Variants in PLEKHG7 observed in about 807,000 individuals in gnomAD.
The protein encoded by PLEKHG7 is pleckstrin homology domain-containing family G member 7.
In PLEKHG7, 77 loss-of-function variants were observed where a neutral mutation model predicts 85.2. The observed-to-expected ratio is 0.90, with a 90% CI of 0.75 to 1.09. The LOEUF is 1.09. PLEKHG7 is among the 50% of genes least tolerant of loss of function. The pLI is 0.00. For synonymous variants in PLEKHG7, 301 were observed against 302.4 expected (o/e 1.00, Z 0.05); for missense variants, 777 against 804.3 (o/e 0.97, Z 0.41).
At chr12:92,732,147 A>C in intron 4 of PLEKHG7, 86 bp from the exon 5 acceptor site, 1 of 786,710 alleles carries the variant, frequency 1.3e-6, no homozygotes. Context: ...TAATTTTCAA[A>C]AAGCAGGTTT....
At chr12:92,715,039 GATA>G (rs1205837589) in intron 3 of PLEKHG7, among the ~76,000 whole-genome samples, 27 of 151,928 alleles carry the variant, frequency 1.8e-4, no homozygotes, top group Middle Eastern at 3.4e-3. Context: ...TAGATAGATA[GATA>G]GATAGATAGA....
intron 15 of PLEKHG7, 56 bp downstream of exon 15, chr12:92,764,250 T>TCTG: frequency 6.8e-7 from 1 of 1,475,262 alleles, no homozygotes. Context: ...GAGTTTTATA[T>TCTG]TGGCCTTTCT....
intron 5 of PLEKHG7, among the ~76,000 whole-genome samples, chr12:92,733,561 T>C (rs974102144): frequency 1.3e-5 from 2 of 152,200 alleles, no homozygotes; most frequent in African/African-American, 4.8e-5. Flanking sequence ...TCTGTTTTTC[T>C]GACAGATCTG....
At position 92,710,333 on chromosome 12, in the gene PLEKHG7, A is replaced by G. The variant is rs1871343243; in HGVS notation, c.530+2661A>G. Among the ~76,000 whole-genome samples the G allele has an allele frequency of 3.3e-5, 5 of 152,310 alleles. No individual in the cohort carries two copies. In the South Asian group the frequency reaches 1.0e-3, roughly 32 times the overall value. On this transcript the variant is annotated intron_variant, in intron 3 of 16. Coordinates refer to ENST00000344636, the MANE Select transcript of PLEKHG7 (RefSeq NM_001377329.1). ...AAAAGGCCATTCCACCATTCTGTCA[A>G]TCTAGCTGCTTCAGGATAATGGGGA...
intron 10 of PLEKHG7, among the ~76,000 whole-genome samples, chr12:92,751,267 T>C (rs754302106): frequency 1.3e-5 from 2 of 152,062 alleles, no homozygotes; most frequent in Non-Finnish European, 2.9e-5. Context: ...AAATCGGAGG[T>C]CCAGAGAGAG....
chr12:92,714,188 A>G (rs1452981279), intron 3 of PLEKHG7, among the ~76,000 whole-genome samples: 1 of 152,160 alleles, frequency 6.6e-6, no homozygotes, highest in Admixed American at 6.5e-5. Flanking sequence ...TTGCCTGCCA[A>G]CTGCCTCAAG....
chr12:92,754,274 T>A lies in PLEKHG7; in HGVS notation c.1426+10T>A. 1 of 1,611,346 alleles carries A rather than the reference T, an allele frequency of 6.2e-7. No homozygotes were observed. Among genetic ancestry groups the A allele is most frequent in the Non-Finnish European group, 8.5e-7 (1 of 1,177,954 alleles). ...GTGGAAAAGTCCATCCGTAAGTCCCTGAGATAAGTGAGCTTAATTACAGAA... is the reference window on the plus strand; with the variant it reads ...GTGGAAAAGTCCATCCGTAAGTCCCAGAGATAAGTGAGCTTAATTACAGAA... On this transcript the variant is annotated intron_variant, in intron 11 of 16. Coordinates refer to ENST00000344636, the MANE Select transcript of PLEKHG7 (RefSeq NM_001377329.1).
chr12:92,726,089 G>T (rs1226722227), intron 3 of PLEKHG7, among the ~76,000 whole-genome samples: 2 of 152,190 alleles, frequency 1.3e-5, no homozygotes, highest in Admixed American at 1.3e-4. Flanking sequence ...TGACAAGAAA[G>T]AGGGCATGGG....
chr12:92,746,500 G>GT (rs200995269), intron 10 of PLEKHG7, among the ~76,000 whole-genome samples: 18 of 152,074 alleles, frequency 1.2e-4, no homozygotes, highest in Middle Eastern at 3.4e-3. Flanking sequence ...GCCCTTTAGT[G>GT]TTTTTTTTGC....
intron 3 of PLEKHG7, among the ~76,000 whole-genome samples, chr12:92,715,063 G>C (rs928481913): frequency 6.9e-6 from 1 of 145,058 alleles, no homozygotes; most frequent in Non-Finnish European, 1.5e-5. Flanking sequence ...TAGATAGATA[G>C]ATAAAGAGTT....
chr12:92,743,669 C>T (rs1375980040), intron 9 of PLEKHG7, among the ~76,000 whole-genome samples: 1 of 152,140 alleles, frequency 6.6e-6, no homozygotes, highest in African/African-American at 2.4e-5. Context: ...AAGCAATTCT[C>T]CTGCCTCAGC....
At chr12:92,761,663 A>T (rs1304034491) in intron 13 of PLEKHG7, 89 bp from the exon 14 acceptor site, 1 of 1,309,060 alleles carries the variant, frequency 7.6e-7, no homozygotes, top group Non-Finnish European at 9.9e-7. Flanking sequence ...AGAAAGAAAG[A>T]AAGAAAGAAA....
chr12:92,761,633 A>AG, intron 13 of PLEKHG7, 119 bp from the exon 14 acceptor site: 1 of 268,630 alleles, frequency 3.7e-6, no homozygotes, highest in Non-Finnish European at 5.3e-6. Context: ...GAAGAAAGAA[A>AG]GAAAGAAAGA....
intron 10 of PLEKHG7, among the ~76,000 whole-genome samples, chr12:92,751,700 C>T (rs1872694708): frequency 6.6e-6 from 1 of 151,824 alleles, no homozygotes; most frequent in African/African-American, 2.4e-5. Flanking sequence ...GCAGAATCCC[C>T]ATGATGAAGA....
At chr12:92,710,567 G>A (rs1185988185) in intron 3 of PLEKHG7, among the ~76,000 whole-genome samples, 1 of 152,276 alleles carries the variant, frequency 6.6e-6, no homozygotes, top group East Asian at 1.9e-4. Context: ...ATCCCAGTGA[G>A]GACAAACCTC....
Position 92,770,748 on chromosome 12 carries a change from T to C in PLEKHG7, c.*553T>C, listed in dbSNP as rs898619533. 6.6e-6 allele frequency: 1 copy of C among 152,156 alleles called. No homozygotes were observed. The highest frequency in any genetic ancestry group is 1.5e-5 in the Non-Finnish European group (1 of 68,024). 9.4% of individuals were successfully genotyped at this position (152,156 alleles called of 1,614,324 possible). On this transcript the variant is annotated 3_prime_UTR_variant, in exon 17 of 17. Coordinates refer to ENST00000344636, the MANE Select transcript of PLEKHG7 (RefSeq NM_001377329.1). ...TTAAGTAGCAGTTTTAAAATTCCTA[T>C]TCTCAAACTCATCTCAGGTATATAG... is the stretch of plus-strand genomic sequence containing the variant.
rs772360158 is a variant in PLEKHG7, at chr12:92,761,818, A to T, written c.1703A>T (p.Lys568Met). Residue 568 changes from lysine to methionine, a missense_variant, in exon 14 of 17, where the codon AAG becomes ATG. By Grantham distance (95) the Lys-to-Met change is moderately conservative (BLOSUM62 -1). Around this residue, in one of 3 missense-constraint regions of PLEKHG7, gnomAD observed 520 missense variants for 544.0 expected, o/e 0.96. Coordinates refer to ENST00000344636, the MANE Select transcript of PLEKHG7 (RefSeq NM_001377329.1). ...FNDFLLVTKT[K>M]CNKKKLGGSD... ...GATTTCCTCTTAGTTACGAAAACTA[A>T]GTGCAACAAAAAGGTAAAATGCTGC... The T allele has an allele frequency of 8.2e-6, 13 of 1,577,310 alleles. No homozygotes were observed. Among genetic ancestry groups the T allele is most frequent in the Non-Finnish European group, 1.1e-5 (13 of 1,167,396 alleles).
rs1036167047 is a variant in PLEKHG7, at chr12:92,709,122, T to C, written c.530+1450T>C. Among the ~76,000 whole-genome samples the C allele has an allele frequency of 2.6e-5, 4 of 152,370 alleles. 1 individual carries two copies. Among genetic ancestry groups the C allele is most frequent in the Admixed American group, 2.6e-4 (4 of 15,308 alleles). On this transcript the variant is annotated intron_variant, in intron 3 of 16. Transcript: ENST00000344636. ...ATGAATTGATATGATCAGATGGATG[T>C]CAGATATACCTGGGATTTAGATGCA...
intron 4 of PLEKHG7, among the ~76,000 whole-genome samples, chr12:92,730,021 G>C (rs1259964511): frequency 6.6e-6 from 1 of 152,040 alleles, no homozygotes; most frequent in East Asian, 1.9e-4. Context: ...TGGAATCAAG[G>C]CTCCTGACTG....
Sources: allele counts gnomAD v4.1 joint callset (sites outside exome capture counted in the v4.1 genomes callset), GRCh38; gene constraint gnomAD v4.1.1; regional missense constraint gnomAD v4.1.1; transcripts MANE v1.5; gene names NCBI Gene and HGNC (gene_info 2026-07-23, HGNC 2026-07-21).